The following CSMD1 variants were observed in gnomAD, a reference collection of about 807,000 sequenced individuals.
The protein encoded by CSMD1 is CUB and Sushi multiple domains 1, also known as CUB and sushi domain-containing protein 1.
CSMD1 carries 213 observed loss-of-function variants against 417.5 expected under a neutral mutation model. The observed-to-expected ratio is 0.51, with a 90% confidence interval of 0.46 to 0.57. The LOEUF is 0.57. Among genes scored for constraint, CSMD1 ranks in the 20% least tolerant of loss-of-function variants. CSMD1 has a pLI of 0.00. For missense variants in CSMD1, 6,923 were observed against 4,529.7 expected, an observed-to-expected ratio of 1.53 and a Z score of -15.17; for synonymous variants, 2,862 against 1,736.8, an observed-to-expected ratio of 1.65 and a Z score of -16.11.
rs181299981 is a variant in CSMD1, at chr8:4,124,188, G to C, written c.416-92089C>G. 7.5e-3 allele frequency among the ~76,000 whole-genome samples: 1,140 copies of C among 152,172 alleles called. 4 individuals are homozygous for C. Among genetic ancestry groups the C allele is most frequent in the Non-Finnish European group, 0.012 (806 of 67,996 alleles). ...AGGCGCAGGGGAGGAAGTGGGGGTG[G>C]GCAGTACGACCAGGAGGAAGCTTCA... is the stretch of plus-strand genomic sequence containing the variant. On this transcript the variant is annotated intron_variant, in intron 3 of 69. Coordinates refer to ENST00000635120, the MANE Select transcript of CSMD1 (RefSeq NM_033225.6).
intron 21 of CSMD1, among the ~76,000 whole-genome samples, chr8:3,358,143 T>G (rs965016104): frequency 6.6e-6 from 1 of 152,178 alleles, no homozygotes; most frequent in African/African-American, 2.4e-5. Flanking sequence ...TTATATGGAC[T>G]GTTAAATTTT....
At position 4,531,179 on chromosome 8, in the gene CSMD1, A is replaced by G. The variant is rs1400336247; in HGVS notation, c.302+106163T>C. 6.6e-5 allele frequency among the ~76,000 whole-genome samples: 10 copies of G among 152,314 alleles called. No homozygotes were observed. The South Asian group carries it at 8.3e-4, about 13-fold the overall frequency. On this transcript the variant is annotated intron_variant, in intron 2 of 69. Transcript: ENST00000635120. ...TTGTAGGATCTGTCACCAAATGTAT[A>G]TATCGCCATGTAATCAGTGACGTAC... is the stretch of plus-strand genomic sequence containing the variant.
chr8:3,258,228 T>C, intron 26 of CSMD1, among the ~76,000 whole-genome samples: 1 of 152,144 alleles, frequency 6.6e-6, no homozygotes, highest in Non-Finnish European at 1.5e-5. Flanking sequence ...CCAGCATCTA[T>C]AAGGAACTTG....
At chr8:2,952,850 A>T (rs1802729497) in intron 65 of CSMD1, among the ~76,000 whole-genome samples, 1 of 152,116 alleles carries the variant, frequency 6.6e-6, no homozygotes, top group Non-Finnish European at 1.5e-5. Context: ...CTGTGTATTA[A>T]AATAGGACCA....
At chr8:3,865,679 C>G (rs928809643) in intron 5 of CSMD1, among the ~76,000 whole-genome samples, 1 of 152,194 alleles carries the variant, frequency 6.6e-6, no homozygotes, top group East Asian at 1.9e-4. Context: ...GTACCAGGCA[C>G]TGTTCTAGGT....
At chr8:4,721,031 GCATTATTCATAAAA>G (rs1212352322) in intron 1 of CSMD1, among the ~76,000 whole-genome samples, 1 of 152,098 alleles carries the variant, frequency 6.6e-6, no homozygotes, top group African/African-American at 2.4e-5. Context: ...TGTGTTTATA[GCATTATTCATAAAA>G]CCACTCTAAT....
intron 5 of CSMD1, among the ~76,000 whole-genome samples, chr8:3,944,875 G>A (rs553926713): frequency 2.0e-5 from 3 of 152,112 alleles, no homozygotes; most frequent in Non-Finnish European, 2.9e-5. Context: ...AGTTGATTCT[G>A]GGTTGTGTTT....
intron 6 of CSMD1, among the ~76,000 whole-genome samples, chr8:3,709,147 A>G (rs1044196203): frequency 1.6e-4 from 12 of 76,776 alleles, no homozygotes; most frequent in Non-Finnish European, 2.9e-4. Context: ...CATTTTAAGA[A>G]GTTTCATTTT....
intron 32 of CSMD1, among the ~76,000 whole-genome samples, chr8:3,200,825 T>C (rs138441126): frequency 5.5e-4 from 83 of 152,232 alleles, no homozygotes; most frequent in African/African-American, 1.8e-3. Flanking sequence ...AACCTGGAAA[T>C]ATAATCAAAT....
intron 1 of CSMD1, among the ~76,000 whole-genome samples, chr8:4,833,426 C>T (rs1014522510): frequency 2.0e-5 from 3 of 152,166 alleles, no homozygotes; most frequent in Non-Finnish European, 2.9e-5. Context: ...GGAAAATCTG[C>T]CCCCATGATC....
chr8:4,037,878 C>T (rs1288784500), intron 3 of CSMD1, among the ~76,000 whole-genome samples: 1 of 151,916 alleles, frequency 6.6e-6, no homozygotes, highest in African/African-American at 2.4e-5. Flanking sequence ...TACATACGTA[C>T]AATAACTGAA....
At chr8:4,431,898 A>G (rs558444616) in intron 2 of CSMD1, among the ~76,000 whole-genome samples, 1 of 152,310 alleles carries the variant, frequency 6.6e-6, no homozygotes, top group East Asian at 1.9e-4. Flanking sequence ...AAAATATGTG[A>G]ATGATATGTA....
intron 5 of CSMD1, among the ~76,000 whole-genome samples, chr8:3,829,522 G>A (rs1178107200): frequency 1.3e-5 from 2 of 152,106 alleles, no homozygotes; most frequent in South Asian, 2.1e-4. Flanking sequence ...TCCTGCACCA[G>A]AACATGATTA....
intron 10 of CSMD1, among the ~76,000 whole-genome samples, chr8:3,508,389 G>A (rs897877289): frequency 6.6e-6 from 1 of 151,872 alleles, no homozygotes; most frequent in Non-Finnish European, 1.5e-5. Flanking sequence ...GATAGCATTA[G>A]GAGATATACC....
chr8:4,975,235 A>G (rs778296674), intron 1 of CSMD1, among the ~76,000 whole-genome samples: 14 of 152,222 alleles, frequency 9.2e-5, no homozygotes, highest in Non-Finnish European at 1.2e-4. Context: ...TCAGAAAAAA[A>G]GTCTCCAAGG....
chr8:4,305,854 C>T (rs1404744123), intron 3 of CSMD1, among the ~76,000 whole-genome samples: 2 of 152,076 alleles, frequency 1.3e-5, no homozygotes, highest in Admixed American at 1.3e-4. Context: ...TGTATGGATC[C>T]CCTTCCAGTC....
intron 6 of CSMD1, among the ~76,000 whole-genome samples, chr8:3,742,363 AC>A (rs1796849379): frequency 6.6e-6 from 1 of 152,174 alleles, no homozygotes; most frequent in African/African-American, 2.4e-5. Context: ...GGCGAATCTG[AC>A]CCGAATATTT....
chr8:3,900,302 G>T (rs908197324), intron 5 of CSMD1, among the ~76,000 whole-genome samples: 2 of 151,602 alleles, frequency 1.3e-5, no homozygotes, highest in African/African-American at 4.9e-5. Context: ...TGACACTGTA[G>T]CTGGGTGACA....
chr8:3,446,763 G>A (rs554249041), intron 12 of CSMD1, among the ~76,000 whole-genome samples: 15 of 152,310 alleles, frequency 9.8e-5, no homozygotes, highest in East Asian at 3.9e-4. Flanking sequence ...TCTAGACTTC[G>A]GAATCCTGAC....
Sources: gnomAD v4.1 joint callset for allele counts (sites outside exome capture counted in the v4.1 genomes callset) on GRCh38, gnomAD v4.1.1 for gene constraint, MANE v1.5 for transcripts, NCBI Gene and HGNC (gene_info 2026-07-23, HGNC 2026-07-21) for gene names.